CKAP2: variants seen among roughly 807,000 people sequenced by gnomAD.
CKAP2 encodes cytoskeleton-associated protein 2.
Under a neutral mutation model 58.4 loss-of-function variants are expected in CKAP2, and 46 were observed. The observed-to-expected ratio is 0.79, with a 90% CI of 0.62 to 1.01. The LOEUF is 1.01. Among genes scored for constraint, CKAP2 ranks in the 50% least tolerant of loss-of-function variants. The pLI, the probability that CKAP2 is intolerant of heterozygous loss-of-function variation, is 0.00. For missense variants in CKAP2, 809 were observed against 796.4 expected (o/e 1.02, Z -0.19); for synonymous variants, 293 against 280.9 (o/e 1.04, Z -0.43).
chr13:52,458,995 T>G (rs1444637974), intron 2 of CKAP2, among the ~76,000 whole-genome samples: 1 of 152,176 alleles, frequency 6.6e-6, no homozygotes, highest in Admixed American at 6.6e-5. Flanking sequence ...AGTATAGATA[T>G]CCTAAGACTC....
chr13:52,465,600 G>A lies in CKAP2; in HGVS notation c.1476+135G>A, dbSNP rs75183465. On this transcript the variant is annotated intron_variant, in intron 6 of 8. Coordinates refer to ENST00000258607, the MANE Select transcript of CKAP2 (RefSeq NM_018204.5). ...GGTAATAAATGTTTAAAGGCTGCAA[G>A]GATTGCATTATAAAAGCTGTTTGTT... 1,517 of 744,066 alleles carry A rather than the reference G, an allele frequency of 2.0e-3. 12 individuals are homozygous for A. Among genetic ancestry groups the A allele is most frequent in the African/African-American group, 0.02 (1,141 of 56,352 alleles). 46.1% of individuals were successfully genotyped at this position (744,066 alleles called of 1,614,324 possible).
intron 2 of CKAP2, among the ~76,000 whole-genome samples, chr13:52,459,894 ATT>A (rs1157482646): frequency 6.6e-6 from 1 of 151,910 alleles, no homozygotes; most frequent in Non-Finnish European, 1.5e-5. Context: ...AGATGATCTC[ATT>A]CTGTGTCACT....
intron 2 of CKAP2, among the ~76,000 whole-genome samples, chr13:52,460,498 G>T (rs1031617381): frequency 6.6e-6 from 1 of 151,254 alleles, no homozygotes; most frequent in Non-Finnish European, 1.5e-5. Flanking sequence ...AGGCTGGAGT[G>T]CAGTGGCTCG....
Position 52,476,613 on chromosome 13 carries a change from T to A in CKAP2, c.*1472T>A, listed in dbSNP as rs985708402. The A allele has an allele frequency of 2.0e-5, 3 of 152,234 alleles. No homozygotes were observed. Among genetic ancestry groups the A allele is most frequent in the Non-Finnish European group, 2.9e-5 (2 of 68,040 alleles). 9.4% of individuals were successfully genotyped at this position (152,234 alleles called of 1,614,324 possible). On this transcript the variant is annotated 3_prime_UTR_variant, in exon 9 of 9. Coordinates refer to ENST00000258607, the MANE Select transcript of CKAP2 (RefSeq NM_018204.5). ...AAAATATGCCATTTTGAAATAAAAT[T>A]TAAGCTTTGATACACTCTCAGCTTT...
Position 52,470,362 on chromosome 13 carries a change from T to C in CKAP2, c.1546+2015T>C, listed in dbSNP as rs148853490. On this transcript the variant is annotated intron_variant, in intron 7 of 8. Transcript: ENST00000258607. ...TCAGGTGATCCGCCCACCTTGGCCT[T>C]CCAAAGTGCTGGGATGACAGGTGTG... Among the ~76,000 whole-genome samples the C allele has an allele frequency of 7.4e-3, 1,123 of 151,894 alleles. 5 individuals carry two copies. The highest frequency in any genetic ancestry group is 0.017 in the African/African-American group (700 of 41,508).
At chr13:52,471,265 G>A (rs887135621) in intron 7 of CKAP2, among the ~76,000 whole-genome samples, 9 of 152,140 alleles carry the variant, frequency 5.9e-5, no homozygotes, top group Non-Finnish European at 1.5e-5. Flanking sequence ...TTCTATTTCT[G>A]GAGATATGTG....
At chr13:52,462,106 T>C (rs1362301140) in intron 4 of CKAP2, among the ~76,000 whole-genome samples, 180 bp downstream of exon 4, 1 of 152,238 alleles carries the variant, frequency 6.6e-6, no homozygotes, top group African/African-American at 2.4e-5. Flanking sequence ...GAGTATGTTT[T>C]ATAAGGTTGC....
chr13:52,474,830 C>T, intron 8 of CKAP2, 65 bp from the exon 9 acceptor site: 1 of 1,479,534 alleles, frequency 6.8e-7, no homozygotes, highest in African/African-American at 1.4e-5. Flanking sequence ...TGGTACATAT[C>T]ATGAAAGTAC....
Position 52,474,876 on chromosome 13 carries a change from A to G in CKAP2, c.1803-19A>G. ...TGTTAACATGTTTTTGAACTCTGGAATATTGTTTTAATTTTCAGTGTGAAA... is the reference window on the plus strand; with the variant it reads ...TGTTAACATGTTTTTGAACTCTGGAGTATTGTTTTAATTTTCAGTGTGAAA... On this transcript the variant is annotated intron_variant, in intron 8 of 8. Transcript: ENST00000258607. 1 of 1,604,380 alleles carries G rather than the reference A, an allele frequency of 6.2e-7. No homozygotes were observed. The highest frequency in any genetic ancestry group is 8.5e-7 in the Non-Finnish European group (1 of 1,173,918).
In CKAP2 at chr13:52,469,585, A is replaced by AT. The variant is rs768281163; in HGVS notation, c.1546+1241dup. On this transcript the variant is annotated intron_variant, in intron 7 of 8. Transcript: ENST00000258607. ...CCATTGAATGAAATAATATTTATTTATTTATTTATTTATTTTTTTTTTGAG... is the reference window on the plus strand; with the variant it reads ...CCATTGAATGAAATAATATTTATTTATTTTATTTATTTATTTTTTTTTTGAG... Among the ~76,000 whole-genome samples, 588 of 144,080 alleles carry AT rather than the reference A, an allele frequency of 4.1e-3. 12 individuals are homozygous for AT. Among genetic ancestry groups the AT allele is most frequent in the Middle Eastern group, 0.029 (8 of 274 alleles). 94.5% of individuals were successfully genotyped at this position (144,080 alleles called of 152,430 possible). A position where few individuals can be genotyped will look rare whatever the true frequency, so the allele number is the denominator to read the frequency against.
At chr13:52,462,953 T>C (rs898002144) in intron 5 of CKAP2, among the ~76,000 whole-genome samples, 1 of 152,232 alleles carries the variant, frequency 6.6e-6, no homozygotes, top group African/African-American at 2.4e-5. Context: ...TGTTTGTTTG[T>C]TTGCTTTTGA....
At chr13:52,462,623 A>T (rs1958604468) in intron 5 of CKAP2, 56 bp downstream of exon 5, 35 of 1,333,714 alleles carry the variant, frequency 2.6e-5, no homozygotes, top group Non-Finnish European at 3.5e-5. Flanking sequence ...CTTCATAAGC[A>T]TTATTTCATT....
chr13:52,474,128 A>G, intron 8 of CKAP2, 44 bp downstream of exon 8: 7 of 1,550,496 alleles, frequency 4.5e-6, no homozygotes, highest in Non-Finnish European at 6.1e-6. Context: ...ATGCTTGGAG[A>G]TAATAAATAA....
At chr13:52,459,346 G>A (rs1177852753) in intron 2 of CKAP2, among the ~76,000 whole-genome samples, 4 of 151,502 alleles carry the variant, frequency 2.6e-5, no homozygotes, top group Admixed American at 2.0e-4. Context: ...TTTTTGAGAC[G>A]GAGCCTTGCT....
intron 7 of CKAP2, among the ~76,000 whole-genome samples, chr13:52,472,949 A>G (rs555290267): frequency 1.3e-5 from 2 of 152,222 alleles, no homozygotes; most frequent in African/African-American, 4.8e-5. Context: ...AGGCTTTGGC[A>G]GGAGGATCAC....
intron 6 of CKAP2, among the ~76,000 whole-genome samples, 179 bp from the exon 7 acceptor site, chr13:52,468,099 C>T (rs1436487739): frequency 3.9e-5 from 6 of 151,932 alleles, no homozygotes; most frequent in Admixed American, 6.5e-5. Flanking sequence ...CGTGAGCCAT[C>T]GTGCCCAGCC....
At chr13:52,468,901 G>C (rs1958720352) in intron 7 of CKAP2, among the ~76,000 whole-genome samples, 1 of 152,160 alleles carries the variant, frequency 6.6e-6, no homozygotes, top group African/African-American at 2.4e-5. Context: ...CCAGTAATGG[G>C]ATTACTGGAT....
chr13:52,467,710 AAAG>A (rs1438428955), intron 6 of CKAP2, among the ~76,000 whole-genome samples: 1 of 146,322 alleles, frequency 6.8e-6, no homozygotes, highest in African/African-American at 2.8e-5. Context: ...TGTCTCAAAA[AAAG>A]AAAAAAGAAA....
intron 7 of CKAP2, among the ~76,000 whole-genome samples, chr13:52,469,786 C>T (rs1226975766): frequency 6.7e-6 from 1 of 149,062 alleles, no homozygotes; most frequent in East Asian, 2.0e-4. Context: ...TTAGTAGAGA[C>T]GGGGTTTCAC....
Sources: allele counts gnomAD v4.1 joint callset (sites outside exome capture counted in the v4.1 genomes callset), GRCh38; gene constraint gnomAD v4.1.1; transcripts MANE v1.5; gene names NCBI Gene and HGNC (gene_info 2026-07-23, HGNC 2026-07-21).